NRXN1: variants seen among roughly 807,000 people sequenced by gnomAD.
The protein encoded by NRXN1 is neurexin 1, also known as neurexin-1.
In NRXN1, 39 loss-of-function variants were observed where a neutral mutation model predicts 150.9. That is an observed-to-expected ratio of 0.26 (90% CI 0.20 to 0.34). NRXN1 has a LOEUF of 0.34. Ranked by LOEUF, NRXN1 falls within the 10% of genes least tolerant of loss-of-function variation. The pLI is 1.00. For missense variants in NRXN1, 1,815 were observed against 1,949.9 expected (o/e 0.93, Z 1.30); for synonymous variants, 924 against 757.0 (o/e 1.22, Z -3.62).
chr2:50,307,852 A>C (rs1238596437), intron 17 of NRXN1, among the ~76,000 whole-genome samples: 3 of 152,238 alleles, frequency 2.0e-5, no homozygotes, highest in Non-Finnish European at 4.4e-5. Flanking sequence ...AAAAAGAAAC[A>C]GAAATGACAG....
chr2:50,025,345 GT>G (rs776204027), intron 21 of NRXN1, among the ~76,000 whole-genome samples: 4 of 152,172 alleles, frequency 2.6e-5, no homozygotes, highest in Non-Finnish European at 5.9e-5. Flanking sequence ...ATATGAGTAG[GT>G]AGAGAAATGA....
Position 50,506,704 on chromosome 2 carries a change from G to T in NRXN1, c.2375-87C>A, listed in dbSNP as rs1051147299. ...CAGAGAGTGAGAGAAAGAGACAAGG[G>T]GGGAAGGTGAGGGAGAGAGAGGAGA... On this transcript the variant is annotated intron_variant, in intron 12 of 22. Coordinates refer to ENST00000401669, the MANE Select transcript of NRXN1 (RefSeq NM_001330078.2). The T allele has an allele frequency of 3.6e-6, 5 of 1,373,774 alleles. No individual in the cohort carries two copies. The East Asian group carries it at 9.7e-5, about 27-fold the overall frequency. The allele number at this position is 1,373,774 out of a possible 1,614,324, so 85.1% of individuals were successfully genotyped here. A position where few individuals can be genotyped will look rare whatever the true frequency, so the allele number is the denominator to read the frequency against.
chr2:50,609,444 ATATTAATAGAG>A (rs1280577325), intron 8 of NRXN1, among the ~76,000 whole-genome samples: 1 of 152,138 alleles, frequency 6.6e-6, no homozygotes, highest in Middle Eastern at 3.2e-3. Flanking sequence ...AATCCTCACT[ATATTAATAGAG>A]TATTAATAAA....
intron 2 of NRXN1, among the ~76,000 whole-genome samples, chr2:50,995,810 CTTG>C (rs1461108247): frequency 6.6e-6 from 1 of 152,016 alleles, no homozygotes; most frequent in African/African-American, 2.4e-5. Context: ...AGCAATAATT[CTTG>C]TGTGACTAAG....
intron 19 of NRXN1, among the ~76,000 whole-genome samples, chr2:50,080,390 CTG>C (rs1697777012): frequency 6.6e-6 from 1 of 152,032 alleles, no homozygotes; most frequent in Admixed American, 6.6e-5. Flanking sequence ...TTGGTACTAT[CTG>C]TGATTTCTGG....
At chr2:50,196,470 T>A (rs931816853) in intron 18 of NRXN1, among the ~76,000 whole-genome samples, 1 of 152,138 alleles carries the variant, frequency 6.6e-6, no homozygotes, top group African/African-American at 2.4e-5. Context: ...TTTGTGACTT[T>A]CCACACGAAA....
chr2:50,125,483 C>T (rs1704449816), intron 18 of NRXN1, among the ~76,000 whole-genome samples: 1 of 152,004 alleles, frequency 6.6e-6, no homozygotes, highest in Admixed American at 6.6e-5. Flanking sequence ...GGGATAACAG[C>T]AACCTAGCTA....
intron 5 of NRXN1, among the ~76,000 whole-genome samples, chr2:50,883,713 T>C (rs888329793): frequency 6.6e-6 from 1 of 151,844 alleles, no homozygotes; most frequent in African/African-American, 2.4e-5. Context: ...TCACTGTTAG[T>C]AGCAGAATAA....
chr2:50,045,867 C>T (rs970335528), intron 21 of NRXN1, among the ~76,000 whole-genome samples: 2 of 152,120 alleles, frequency 1.3e-5, no homozygotes, highest in African/African-American at 2.4e-5. Flanking sequence ...AATGCTGATA[C>T]AGAATATATC....
At chr2:50,761,785 G>T (rs777245418) in intron 5 of NRXN1, among the ~76,000 whole-genome samples, 1 of 151,882 alleles carries the variant, frequency 6.6e-6, no homozygotes, top group African/African-American at 2.4e-5. Flanking sequence ...TGCCAGCACA[G>T]CCAGGATAAA....
At chr2:50,302,393 T>C (rs2074237564) in intron 17 of NRXN1, among the ~76,000 whole-genome samples, 1 of 152,178 alleles carries the variant, frequency 6.6e-6, no homozygotes, top group South Asian at 2.1e-4. Context: ...AATTAATACA[T>C]AATGGGAGCA....
intron 17 of NRXN1, among the ~76,000 whole-genome samples, chr2:50,356,560 C>T (rs577214634): frequency 3.9e-5 from 6 of 152,098 alleles, no homozygotes; most frequent in Admixed American, 6.6e-5. Context: ...ATGATTCCCC[C>T]GGAGAACTGT....
At chr2:50,518,493 T>C (rs2092691128) in intron 12 of NRXN1, among the ~76,000 whole-genome samples, 1 of 151,930 alleles carries the variant, frequency 6.6e-6, no homozygotes, top group Non-Finnish European at 1.5e-5. Flanking sequence ...TGATTTATAG[T>C]AATACTCATT....
chr2:50,230,506 T>C (rs935555663), intron 18 of NRXN1, among the ~76,000 whole-genome samples: 4 of 151,950 alleles, frequency 2.6e-5, no homozygotes, highest in Admixed American at 6.6e-5. Context: ...TAACCTGCCA[T>C]AAGTATATAA....
chr2:50,671,383 T>C (rs116698492), intron 5 of NRXN1, among the ~76,000 whole-genome samples: 1,581 of 151,782 alleles, frequency 0.01, 38 homozygotes, highest in African/African-American at 0.036. Context: ...AAAATTCAGA[T>C]TTTCCAGTAG....
chr2:50,627,590 T>G (rs966345255), intron 5 of NRXN1, among the ~76,000 whole-genome samples: 1 of 144,664 alleles, frequency 6.9e-6, no homozygotes, highest in Non-Finnish European at 1.5e-5. Context: ...AGAGAGGCAA[T>G]CTATGAAAGC....
chr2:50,101,380 T>C (rs1230816546), intron 18 of NRXN1, among the ~76,000 whole-genome samples: 2 of 152,030 alleles, frequency 1.3e-5, no homozygotes, highest in Non-Finnish European at 2.9e-5. Context: ...TGTAAAAAGG[T>C]TTTCCTATAA....
At chr2:50,247,294 C>T (rs546480400) in intron 17 of NRXN1, among the ~76,000 whole-genome samples, 1 of 152,158 alleles carries the variant, frequency 6.6e-6, no homozygotes, top group African/African-American at 2.4e-5. Context: ...AAAGGAGCAC[C>T]AGATCTCACA....
At chr2:50,948,151 C>G (rs1282730349) in intron 2 of NRXN1, among the ~76,000 whole-genome samples, 1 of 151,976 alleles carries the variant, frequency 6.6e-6, no homozygotes, top group Non-Finnish European at 1.5e-5. Flanking sequence ...CCATTTGTCT[C>G]TAAATACACT....
Sources: allele counts gnomAD v4.1 joint callset (sites outside exome capture counted in the v4.1 genomes callset), GRCh38; gene constraint gnomAD v4.1.1; transcripts MANE v1.5; gene names NCBI Gene and HGNC (gene_info 2026-07-23, HGNC 2026-07-21).